The following PTH variants were observed in gnomAD, a reference collection of about 807,000 sequenced individuals.
PTH encodes the protein parathormone.
In PTH, 7 loss-of-function variants were observed where a neutral mutation model predicts 7.4. The observed-to-expected ratio is 0.94, with a 90% CI of 0.53 to 1.77. The LOEUF (loss-of-function observed/expected upper bound fraction) is 1.77. PTH is among the 40% of genes most tolerant of loss of function. The pLI is 0.00. For synonymous variants in PTH, 51 were observed against 46.6 expected (o/e 1.09, Z -0.39); for missense variants, 128 against 137.1 (o/e 0.93, Z 0.33).
intron 1 of PTH, among the ~76,000 whole-genome samples, 192 bp downstream of exon 1, chr11:13,495,719 C>T (rs1419063304): frequency 6.6e-6 from 1 of 152,046 alleles, no homozygotes; most frequent in African/African-American, 2.4e-5. Flanking sequence ...AGACTTTAAT[C>T]AAAAAGGATT....
chr11:13,493,165 CTT>C (rs1191149055), intron 1 of PTH, among the ~76,000 whole-genome samples: 1 of 151,464 alleles, frequency 6.6e-6, no homozygotes, highest in Non-Finnish European at 1.5e-5. Flanking sequence ...TATTTGTACA[CTT>C]AATATGCTAG....
Position 13,492,560 on chromosome 11 carries a change from A to G in PTH, c.193T>C (p.Phe65Leu). 1 of 1,614,152 alleles carries G rather than the reference A, an allele frequency of 6.2e-7. No homozygotes were observed. The highest frequency in any genetic ancestry group is 1.3e-5 in the African/African-American group (1 of 75,044). Reference protein sequence around the residue: ...LRKKLQDVHNFVALGAPLAPR... With the variant: ...LRKKLQDVHNLVALGAPLAPR... ...GCTAGAGGAGCTCCAAGGGCAACAA[A>G]ATTGTGCACATCCTGCAGCTTCTTA... Residue 65 changes from phenylalanine to leucine, a missense_variant, in exon 3 of 3, where the codon TTT becomes CTT. Transcript: ENST00000282091.
chr11:13,494,079 T>G (rs2134094027), intron 1 of PTH, among the ~76,000 whole-genome samples: 1 of 152,232 alleles, frequency 6.6e-6, no homozygotes, highest in East Asian at 1.9e-4. Context: ...GAAAAATAAT[T>G]CATGTTTTTT....
chr11:13,494,945 A>G (rs1847522016), intron 1 of PTH, among the ~76,000 whole-genome samples: 1 of 152,216 alleles, frequency 6.6e-6, no homozygotes, highest in Non-Finnish European at 1.5e-5. Flanking sequence ...CCTTTTCTTA[A>G]GTAACCTTCA....
intron 1 of PTH, among the ~76,000 whole-genome samples, chr11:13,494,363 C>T (rs183827616): frequency 3.2e-4 from 48 of 152,254 alleles, no homozygotes; most frequent in Admixed American, 1.8e-3. Flanking sequence ...TTATGTACTT[C>T]CTACTTAAAA....
chr11:13,494,518 C>T (rs1847516212), intron 1 of PTH, among the ~76,000 whole-genome samples: 1 of 152,146 alleles, frequency 6.6e-6, no homozygotes, highest in Admixed American at 6.6e-5. Context: ...CATCTAATGC[C>T]ACATCTTCCC....
intron 1 of PTH, among the ~76,000 whole-genome samples, chr11:13,493,195 G>A (rs1847499731): frequency 1.3e-5 from 2 of 151,648 alleles, no homozygotes; most frequent in South Asian, 4.2e-4. Context: ...TTCACAAACA[G>A]TATAAAGAAT....
Position 13,492,299 on chromosome 11 carries a change from T to A in PTH, c.*106A>T. ...GATGGATTACATGTAGTTTGTTATA[T>A]CAGAAATATTGGCACTTGGAAATCT... On this transcript the variant is annotated 3_prime_UTR_variant, in exon 3 of 3. Coordinates refer to ENST00000282091, the MANE Select transcript of PTH (RefSeq NM_000315.4). 1 of 1,402,460 alleles carries A rather than the reference T, an allele frequency of 7.1e-7. No homozygotes were observed. Among genetic ancestry groups the A allele is most frequent in the East Asian group, 2.3e-5 (1 of 43,178 alleles). 86.9% of individuals were successfully genotyped at this position (1,402,460 alleles called of 1,614,324 possible). A position where few individuals can be genotyped will look rare whatever the true frequency, so the allele number is the denominator to read the frequency against.
At position 13,492,642 on chromosome 11, in the gene PTH, C is replaced by G. The variant is rs1336480236; in HGVS notation, c.111G>C (p.Gln37His). 2 of 1,614,122 alleles carry G rather than the reference C, an allele frequency of 1.2e-6. No homozygotes were observed. Among genetic ancestry groups the G allele is most frequent in the Non-Finnish European group, 1.7e-6 (2 of 1,180,018 alleles). Reference protein sequence around the residue: ...SVKKRSVSEIQLMHNLGKHLN... With the variant: ...SVKKRSVSEIHLMHNLGKHLN... ...GATGTTTTCCCAGGTTATGCATAAG[C>G]TGTATTTCACTCACAGATCTCTTCC... The change falls in exon 3 of 3, where the codon CAG becomes CAC. Residue 37 changes from glutamine to histidine, a missense_variant. Transcript: ENST00000282091.
chr11:13,492,623 T>G lies in PTH; in HGVS notation c.130A>C (p.Lys44Gln), dbSNP rs1162770261. Residue 44 changes from lysine to glutamine, a missense_variant, in exon 3 of 3, where the codon AAA becomes CAA. Coordinates refer to ENST00000282091, the MANE Select transcript of PTH (RefSeq NM_000315.4). Reference sequence around the variant, plus strand: ...ACTCTCTCCATCGAGTTCAGATGTTTTCCCAGGTTATGCATAAGCTGTATT... The same window carrying G: ...ACTCTCTCCATCGAGTTCAGATGTTGTCCCAGGTTATGCATAAGCTGTATT... ...SEIQLMHNLG[K>Q]HLNSMERVEW... is the part of the protein sequence containing the mutation. 1 of 1,614,156 alleles carries G rather than the reference T, an allele frequency of 6.2e-7. No homozygotes were observed. Among genetic ancestry groups the G allele is most frequent in the Non-Finnish European group, 8.5e-7 (1 of 1,180,020 alleles).
rs1314166014 is a variant in PTH, at chr11:13,492,579, C to T, written c.174G>A (p.Lys58=). The change falls in exon 3 of 3, where the codon AAG becomes AAA. Residue 58 remains lysine (K), a synonymous_variant. Transcript: ENST00000282091. ...CAACAAAATTGTGCACATCCTGCAGCTTCTTACGCAGCCATTCTACTCTCT... is the reference window on the plus strand; with the variant it reads ...CAACAAAATTGTGCACATCCTGCAGTTTCTTACGCAGCCATTCTACTCTCT... ...SMERVEWLRK[K]LQDVHNFVAL... 1.9e-6 allele frequency: 3 copies of T among 1,614,052 alleles called. No homozygotes were observed. Among genetic ancestry groups the T allele is most frequent in the Admixed American group, 3.3e-5 (2 of 60,002 alleles).
Position 13,492,413 on chromosome 11 carries a change from A to G in PTH, c.340T>C (p.Ser114Pro), listed in dbSNP as rs1191724867. The change falls in exon 3 of 3, where the codon TCC (serine) becomes CCC (proline). Residue 114 changes from serine (S) to proline (P), a missense_variant. By Grantham distance (74) the Ser-to-Pro change is moderately conservative. Transcript: ENST00000282091. ...AATATCTGTTTTCATTTTCACTGGG[A>G]TTTAGCTTTAGTTAATACATTCACA... ...ADVNVLTKAK[S>P]Q 1.2e-5 allele frequency: 20 copies of G among 1,612,770 alleles called. No individual in the cohort carries two copies. The highest frequency in any genetic ancestry group is 1.7e-5 in the Non-Finnish European group (20 of 1,179,994).
At chr11:13,494,953 T>A (rs1847522183) in intron 1 of PTH, among the ~76,000 whole-genome samples, 1 of 152,242 alleles carries the variant, frequency 6.6e-6, no homozygotes. Context: ...TAAGTAACCT[T>A]CATTTCAGGC....
intron 1 of PTH, 126 bp downstream of exon 1, chr11:13,495,785 A>C (rs1847529338): frequency 6.6e-6 from 1 of 152,172 alleles, no homozygotes; most frequent in Non-Finnish European, 1.5e-5. Context: ...ATTAAACATA[A>C]CTCAAACTTC....
At position 13,492,510 on chromosome 11, in the gene PTH, C is replaced by T; in HGVS notation, c.243G>A (p.Arg81=). 3.7e-6 allele frequency: 6 copies of T among 1,613,984 alleles called. No homozygotes were observed. The highest frequency in any genetic ancestry group is 5.1e-6 in the Non-Finnish European group (6 of 1,179,976). Residue 81 remains arginine (R), a synonymous_variant, in exon 3 of 3, where the codon AGG becomes AGA. Coordinates refer to ENST00000282091, the MANE Select transcript of PTH (RefSeq NM_000315.4). ...PLAPRDAGSQ[R]PRKKEDNVLV... is the part of the protein sequence containing the mutation. ...AGACATTGTCTTCCTTTTTTCGGGGCCTCTGGGAACCAGCATCTCTGGGAG... is the reference window on the plus strand; with the variant it reads ...AGACATTGTCTTCCTTTTTTCGGGGTCTCTGGGAACCAGCATCTCTGGGAG...
Position 13,495,982 on chromosome 11 carries a change from T to G in PTH, c.-77A>C, listed in dbSNP as rs1847530854. On this transcript the variant is annotated 5_prime_UTR_variant, in exon 1 of 3. Transcript: ENST00000282091. ...TGATGCTGAGTAAACTAAAGACAACTGATGAATTGGACTGCAGACCCCTTA... is the reference window on the plus strand; with the variant it reads ...TGATGCTGAGTAAACTAAAGACAACGGATGAATTGGACTGCAGACCCCTTA... 6.6e-6 allele frequency: 1 copy of G among 152,166 alleles called. No homozygotes were observed. Among genetic ancestry groups the G allele is most frequent in the African/African-American group, 2.4e-5 (1 of 41,442 alleles). 9.4% of individuals were successfully genotyped at this position (152,166 alleles called of 1,614,324 possible). A position where few individuals can be genotyped will look rare whatever the true frequency, so the allele number is the denominator to read the frequency against.
Position 13,492,435 on chromosome 11 carries a change from C to G in PTH, c.318G>C (p.Val106=). ...KSLGEADKAD[V]NVLTKAKSQ ...GGGATTTAGCTTTAGTTAATACATTCACATCAGCTTTGTCTGCCTCTCCAA... is the reference window on the plus strand; with the variant it reads ...GGGATTTAGCTTTAGTTAATACATTGACATCAGCTTTGTCTGCCTCTCCAA... Residue 106 remains valine (V), a synonymous_variant, in exon 3 of 3, where the codon GTG becomes GTC. Coordinates refer to ENST00000282091, the MANE Select transcript of PTH (RefSeq NM_000315.4). The G allele has an allele frequency of 6.2e-7, 1 of 1,613,886 alleles. No individual in the cohort carries two copies. Among genetic ancestry groups the G allele is most frequent in the Non-Finnish European group, 8.5e-7 (1 of 1,180,004 alleles).
chr11:13,492,286 G>A lies in PTH; in HGVS notation c.*119C>T, dbSNP rs984470962. Reference sequence around the variant, plus strand: ...TATCATGGCTAGTGATGGATTACATGTAGTTTGTTATATCAGAAATATTGG... The same window carrying A: ...TATCATGGCTAGTGATGGATTACATATAGTTTGTTATATCAGAAATATTGG... On this transcript the variant is annotated 3_prime_UTR_variant, in exon 3 of 3. Transcript: ENST00000282091. The A allele has an allele frequency of 3.4e-5, 42 of 1,245,354 alleles. No homozygotes were observed. The highest frequency in any genetic ancestry group is 2.1e-4 in the Middle Eastern group (1 of 4,708). The allele number at this position is 1,245,354 out of a possible 1,614,324, so 77.1% of individuals were successfully genotyped here.
chr11:13,493,727 C>T (rs899768187), intron 1 of PTH, among the ~76,000 whole-genome samples: 3 of 152,236 alleles, frequency 2.0e-5, no homozygotes, highest in Non-Finnish European at 4.4e-5. Context: ...TGATCATTCT[C>T]TTAACTCAGC....
Sources: allele counts gnomAD v4.1 joint callset (sites outside exome capture counted in the v4.1 genomes callset), GRCh38; gene constraint gnomAD v4.1.1; transcripts MANE v1.5; gene names NCBI Gene and HGNC (gene_info 2026-07-23, HGNC 2026-07-21).